NBEA: variants seen among roughly 807,000 people sequenced by gnomAD.
NBEA encodes lysosomal-trafficking regulator 2.
In NBEA, 44 loss-of-function variants were observed where a neutral mutation model predicts 343.4. The observed-to-expected ratio is 0.13, with a 90% CI of 0.10 to 0.16. The LOEUF (loss-of-function observed/expected upper bound fraction) is 0.16, where lower values mean the gene tolerates loss of function less well. Among genes scored for constraint, NBEA ranks in the 10% least tolerant of loss-of-function variants. The probability of loss-of-function intolerance (pLI) is 1.00; values close to 1 mark genes in which losing one functional copy is unlikely to be tolerated. For missense variants in NBEA, 2,555 were observed against 3,631.3 expected, an observed-to-expected ratio of 0.70 and a Z score of 7.62; for synonymous variants, 1,175 against 1,238.7, an observed-to-expected ratio of 0.95 and a Z score of 1.08.
intron 40 of NBEA, among the ~76,000 whole-genome samples, chr13:35,457,233 A>G (rs2046630993): frequency 6.6e-6 from 1 of 151,754 alleles, no homozygotes; most frequent in Admixed American, 6.7e-5. Context: ...TCATCTCCAT[A>G]ATATTTTGTG....
intron 18 of NBEA, among the ~76,000 whole-genome samples, chr13:35,146,945 C>T (rs1475795336): frequency 2.0e-5 from 3 of 151,984 alleles, no homozygotes; most frequent in African/African-American, 7.3e-5. Flanking sequence ...AAGTGTGTCC[C>T]GAGTAAAGTT....
intron 41 of NBEA, among the ~76,000 whole-genome samples, chr13:35,484,124 A>C (rs901663420): frequency 2.6e-5 from 4 of 152,040 alleles, no homozygotes; most frequent in Admixed American, 2.6e-4. Flanking sequence ...TCAGTCACAT[A>C]TACTACGTCA....
chr13:35,115,336 T>TATAAA (rs2066441398), intron 13 of NBEA, among the ~76,000 whole-genome samples: 2 of 151,924 alleles, frequency 1.3e-5, no homozygotes, highest in Admixed American at 1.3e-4. Flanking sequence ...CAAGTTATAA[T>TATAAA]TATAAATATA....
chr13:35,106,394 C>T (rs754684524), intron 11 of NBEA, among the ~76,000 whole-genome samples: 24 of 151,870 alleles, frequency 1.6e-4, no homozygotes, highest in Non-Finnish European at 2.9e-4. Context: ...TTTTTCCTAC[C>T]TATTCTATTC....
At chr13:35,410,331 G>A (rs543663277) in intron 38 of NBEA, among the ~76,000 whole-genome samples, 5 of 152,198 alleles carry the variant, frequency 3.3e-5, no homozygotes, top group African/African-American at 1.2e-4. Context: ...AGTATACTTC[G>A]TAAAGGCAGG....
At chr13:35,135,117 G>A (rs2067644489) in intron 17 of NBEA, among the ~76,000 whole-genome samples, 1 of 152,002 alleles carries the variant, frequency 6.6e-6, no homozygotes, top group Non-Finnish European at 1.5e-5. Flanking sequence ...AACATGCCCT[G>A]TTTTGCTTCA....
At position 35,297,654 on chromosome 13, in the gene NBEA, A is replaced by C. The variant is rs577699567; in HGVS notation, c.5838+7204A>C. Among the ~76,000 whole-genome samples the C allele has an allele frequency of 6.6e-5, 10 of 152,088 alleles. No individual in the cohort carries two copies. In the East Asian group the frequency reaches 1.9e-3, roughly 29 times the overall value. The stretch of plus-strand genomic sequence containing the variant: ...TTCATTTCAATTATGCTACAAATTT[A>C]CACCATACTAAAGATCACTTTATTT... On this transcript the variant is annotated intron_variant, in intron 35 of 58. Transcript: ENST00000379939.
In NBEA at chr13:35,071,950, G is replaced by T. The variant is rs1463972087; in HGVS notation, c.1571+1098G>T. 3.9e-5 allele frequency among the ~76,000 whole-genome samples: 6 copies of T among 152,104 alleles called. No individual in the cohort carries two copies. The East Asian group carries it at 1.2e-3, about 29-fold the overall frequency. ...TCTTTTATATCAATATAGTGTAAAG[G>T]TTGGAGTTTTGAAAGTAAAAAGCTT... On this transcript the variant is annotated intron_variant, in intron 10 of 58. Coordinates refer to ENST00000379939, the MANE Select transcript of NBEA (RefSeq NM_001385012.1).
intron 36 of NBEA, among the ~76,000 whole-genome samples, chr13:35,327,264 T>C (rs1192759788): frequency 6.6e-6 from 1 of 152,076 alleles, no homozygotes; most frequent in Non-Finnish European, 1.5e-5. Context: ...GACCCAGCAA[T>C]CCCATTACTG....
intron 1 of NBEA, among the ~76,000 whole-genome samples, chr13:35,019,043 T>A (rs1416985997): frequency 6.6e-6 from 1 of 151,962 alleles, no homozygotes; most frequent in East Asian, 1.9e-4. Context: ...GGGAATTATG[T>A]CATTTGAGTT....
At chr13:35,377,234 A>G (rs112925128) in intron 38 of NBEA, among the ~76,000 whole-genome samples, 21 of 152,298 alleles carry the variant, frequency 1.4e-4, no homozygotes, top group Non-Finnish European at 2.5e-4. Context: ...TATTAATCTA[A>G]TAAACAGCAA....
In NBEA at chr13:35,409,240, G is replaced by T. The variant is rs570798989; in HGVS notation, c.6180-23029G>T. 5.3e-5 allele frequency among the ~76,000 whole-genome samples: 8 copies of T among 151,986 alleles called. No homozygotes were observed. The South Asian group carries it at 1.7e-3, about 32-fold the overall frequency. On this transcript the variant is annotated intron_variant, in intron 38 of 58. Transcript: ENST00000379939. Reference sequence around the variant, plus strand: ...GCCATTATCCTAAGCAAACTAACAGGCACACAAAATGAAACACCACGTGTT... The same window carrying T: ...GCCATTATCCTAAGCAAACTAACAGTCACACAAAATGAAACACCACGTGTT...
chr13:35,418,862 A>C (rs2152922169), intron 38 of NBEA, among the ~76,000 whole-genome samples: 1 of 152,170 alleles, frequency 6.6e-6, no homozygotes, highest in Middle Eastern at 3.4e-3. Flanking sequence ...TTACAGGCTA[A>C]GTATTCCTTA....
At chr13:35,623,062 A>G (rs1002784097) in intron 48 of NBEA, among the ~76,000 whole-genome samples, 1 of 152,016 alleles carries the variant, frequency 6.6e-6, no homozygotes, top group African/African-American at 2.4e-5. Flanking sequence ...AGAGCTCTGG[A>G]TTGGGAATTG....
intron 35 of NBEA, among the ~76,000 whole-genome samples, chr13:35,297,778 T>G (rs561050679): frequency 6.6e-6 from 1 of 152,100 alleles, no homozygotes; most frequent in African/African-American, 2.4e-5. Flanking sequence ...TTTGAGTTAT[T>G]TTATAAATAA....
chr13:35,585,862 C>A (rs1394275731), intron 46 of NBEA, among the ~76,000 whole-genome samples: 1 of 152,118 alleles, frequency 6.6e-6, no homozygotes, highest in Non-Finnish European at 1.5e-5. Flanking sequence ...CAGATTCTAC[C>A]AACTAAATAT....
chr13:35,550,331 C>A, intron 41 of NBEA, 146 bp from the exon 42 acceptor site: 1 of 523,484 alleles, frequency 1.9e-6, no homozygotes, highest in Non-Finnish European at 3.3e-6. Flanking sequence ...AGAAATTTTG[C>A]AAATACACAG....
At chr13:35,151,086 G>C (rs552295591) in intron 18 of NBEA, among the ~76,000 whole-genome samples, 1 of 143,980 alleles carries the variant, frequency 6.9e-6, no homozygotes, top group South Asian at 2.2e-4. Context: ...CTGCACTCCA[G>C]CCTGGTCGAC....
chr13:34,956,698 G>T (rs2059503388), intron 1 of NBEA, among the ~76,000 whole-genome samples: 1 of 152,082 alleles, frequency 6.6e-6, no homozygotes, highest in Non-Finnish European at 1.5e-5. Flanking sequence ...GAAGTACACA[G>T]TACAATATTG....
Sources: allele counts gnomAD v4.1 joint callset (sites outside exome capture counted in the v4.1 genomes callset), GRCh38; gene constraint gnomAD v4.1.1; transcripts MANE v1.5; gene names NCBI Gene and HGNC (gene_info 2026-07-23, HGNC 2026-07-21).